Variants in CFAP299 observed in about 807,000 individuals in gnomAD.
CFAP299 encodes cilia and flagella associated protein 299, also known as cilia- and flagella-associated protein 299.
In CFAP299, 21 loss-of-function variants were observed where a neutral mutation model predicts 27.0. The observed-to-expected ratio is 0.78, with a 90% confidence interval of 0.55 to 1.12. The LOEUF (loss-of-function observed/expected upper bound fraction) is 1.12. Ranked by LOEUF, CFAP299 falls within the 50% of genes most tolerant of loss-of-function variation. CFAP299 has a pLI of 0.00. For missense variants in CFAP299, 310 were observed against 276.6 expected, an observed-to-expected ratio of 1.12 and a Z score of -0.86; for synonymous variants, 104 against 98.1, an observed-to-expected ratio of 1.06 and a Z score of -0.36.
chr4:80,691,782 T>A (rs1057475748), intron 3 of CFAP299, among the ~76,000 whole-genome samples: 1 of 152,216 alleles, frequency 6.6e-6, no homozygotes, highest in Non-Finnish European at 1.5e-5. Context: ...CATGATTGTA[T>A]ATCTAGAAAA....
intron 3 of CFAP299, among the ~76,000 whole-genome samples, chr4:80,684,286 A>ATT (rs1720036014): frequency 1.1e-5 from 1 of 92,034 alleles, no homozygotes; most frequent in Non-Finnish European, 2.3e-5. Context: ...GGGGGGGGGG[A>ATT]CGGAGCCTCA....
chr4:80,768,722 A>G (rs919254691), intron 3 of CFAP299, among the ~76,000 whole-genome samples: 1 of 152,180 alleles, frequency 6.6e-6, no homozygotes, highest in African/African-American at 2.4e-5. Context: ...GATCTATTTC[A>G]ATTCAATATA....
chr4:80,488,655 C>T (rs1373005838), intron 2 of CFAP299, among the ~76,000 whole-genome samples: 2 of 151,940 alleles, frequency 1.3e-5, no homozygotes, highest in African/African-American at 2.4e-5. Context: ...TTTTTGTATT[C>T]TTAATAGAGA....
At chr4:80,698,274 A>ACC (rs1721240193) in intron 3 of CFAP299, among the ~76,000 whole-genome samples, 4 of 152,204 alleles carry the variant, frequency 2.6e-5, no homozygotes, top group Non-Finnish European at 5.9e-5. Context: ...CCCCAAAATT[A>ACC]GTAGTTGTTA....
intron 3 of CFAP299, among the ~76,000 whole-genome samples, chr4:80,655,667 C>CA (rs1370726960): frequency 6.6e-6 from 1 of 152,046 alleles, no homozygotes; most frequent in East Asian, 1.9e-4. Flanking sequence ...AGTGAGTAGA[C>CA]ACTTCAACTT....
At chr4:80,734,598 G>A (rs1354230671) in intron 3 of CFAP299, among the ~76,000 whole-genome samples, 1 of 152,004 alleles carries the variant, frequency 6.6e-6, no homozygotes, top group Non-Finnish European at 1.5e-5. Context: ...CATAGTTTGA[G>A]GTCTTAGATT....
intron 4 of CFAP299, among the ~76,000 whole-genome samples, chr4:80,938,621 C>T (rs958384396): frequency 1.3e-5 from 2 of 152,178 alleles, no homozygotes; most frequent in African/African-American, 4.8e-5. Flanking sequence ...TCCCACTCCA[C>T]ACCTTTATAT....
In CFAP299 at chr4:80,800,184, ATG is replaced by A. The variant is rs1156450945; in HGVS notation, c.334-69807_334-69806del. On this transcript the variant is annotated intron_variant, in intron 3 of 5. Coordinates refer to ENST00000358105, the MANE Select transcript of CFAP299 (RefSeq NM_152770.3). ...TATAATACATATAATATATAATAAT[ATG>A]TAATACTATATAATATAATATATAA... Among the ~76,000 whole-genome samples, 566 of 72,524 alleles carry A rather than the reference ATG, an allele frequency of 7.8e-3. 11 individuals carry two copies. Among genetic ancestry groups the A allele is most frequent in the African/African-American group, 0.03 (517 of 17,474 alleles). 47.6% of individuals were successfully genotyped at this position (72,524 alleles called of 152,430 possible).
intron 2 of CFAP299, among the ~76,000 whole-genome samples, chr4:80,438,296 A>AT (rs1728190236): frequency 2.6e-5 from 4 of 152,222 alleles, no homozygotes; most frequent in Admixed American, 1.3e-4. Flanking sequence ...AAAGAAGTCT[A>AT]GGAAAAGCCT....
At position 80,661,289 on chromosome 4, in the gene CFAP299, G is replaced by GCACTCTAGCCTGGGTGACAGAGCA. The variant is rs1381862598; in HGVS notation, c.333+78109_333+78132dup. On this transcript the variant is annotated intron_variant, in intron 3 of 5. Coordinates refer to ENST00000358105, the MANE Select transcript of CFAP299 (RefSeq NM_152770.3). The stretch of plus-strand genomic sequence containing the variant: ...TGCAGTGAGCCCAGATTGCTCCATT[G>GCACTCTAGCCTGGGTGACAGAGCA]CACTCTAGCCTGGGTGACAGAGCAC... Among the ~76,000 whole-genome samples, 6 of 145,304 alleles carry GCACTCTAGCCTGGGTGACAGAGCA rather than the reference G, an allele frequency of 4.1e-5. No homozygotes were observed. The East Asian group carries it at 1.2e-3, about 29-fold the overall frequency.
chr4:80,583,604 G>A (rs1736283335), intron 3 of CFAP299, among the ~76,000 whole-genome samples: 1 of 151,814 alleles, frequency 6.6e-6, no homozygotes, highest in Admixed American at 6.6e-5. Flanking sequence ...TGGAAGATGG[G>A]ATACAAATCA....
In CFAP299 at chr4:80,699,809, G is replaced by A. The variant is rs145640746; in HGVS notation, c.333+116626G>A. The stretch of plus-strand genomic sequence containing the variant: ...CTGTTTTCCTGCAACATTATATATG[G>A]TAAGAAAAGTGACAAGAGTTGGCTT... On this transcript the variant is annotated intron_variant, in intron 3 of 5. Transcript: ENST00000358105. 5.1e-3 allele frequency among the ~76,000 whole-genome samples: 770 copies of A among 152,240 alleles called. 5 individuals carry two copies. The highest frequency in any genetic ancestry group is 0.02 in the Middle Eastern group (6 of 294).
rs1377644370 is a variant in CFAP299 at position 80,847,008 on chromosome 4, A to C, written c.334-22985A>C. Among the ~76,000 whole-genome samples, 3 of 152,322 alleles carry C rather than the reference A, an allele frequency of 2.0e-5. No homozygotes were observed. The East Asian group carries it at 5.8e-4, about 29-fold the overall frequency. On this transcript the variant is annotated intron_variant, in intron 3 of 5. Coordinates refer to ENST00000358105, the MANE Select transcript of CFAP299 (RefSeq NM_152770.3). Reference sequence around the variant, plus strand: ...GTGATGATAGTGAAAAGGTAACAAAAATCCCTTTGGTCAGAAGAATCATTT... The same window carrying C: ...GTGATGATAGTGAAAAGGTAACAAACATCCCTTTGGTCAGAAGAATCATTT...
intron 2 of CFAP299, among the ~76,000 whole-genome samples, chr4:80,529,741 C>A (rs1480553236): frequency 6.6e-6 from 1 of 151,740 alleles, no homozygotes; most frequent in African/African-American, 2.4e-5. Context: ...TTTTTAGATA[C>A]AATCCTTTTT....
chr4:80,851,659 T>C (rs1398721536), intron 3 of CFAP299, among the ~76,000 whole-genome samples: 2 of 151,976 alleles, frequency 1.3e-5, no homozygotes, highest in African/African-American at 4.8e-5. Context: ...ATCAAAACAA[T>C]TGGAAAAATC....
At chr4:80,733,687 G>C (rs1723677705) in intron 3 of CFAP299, among the ~76,000 whole-genome samples, 2 of 151,776 alleles carry the variant, frequency 1.3e-5, no homozygotes, top group African/African-American at 4.8e-5. Flanking sequence ...TTTGATTTTT[G>C]GATCCCACAA....
intron 5 of CFAP299, among the ~76,000 whole-genome samples, chr4:80,954,352 A>G (rs1286690046): frequency 3.3e-5 from 5 of 152,202 alleles, no homozygotes; most frequent in Admixed American, 2.6e-4. Flanking sequence ...GCAAATACTC[A>G]TAATTTCTCA....
At chr4:80,929,166 T>C (rs976935399) in intron 4 of CFAP299, among the ~76,000 whole-genome samples, 2 of 152,100 alleles carry the variant, frequency 1.3e-5, no homozygotes, top group Non-Finnish European at 2.9e-5. Context: ...ATGCTACCCA[T>C]CCAGTCTCTA....
upstream of CFAP299, among the ~76,000 whole-genome samples, chr4:80,332,551 T>A (rs564005530): frequency 5.9e-5 from 9 of 152,312 alleles, no homozygotes; most frequent in African/African-American, 2.2e-4. Flanking sequence ...GATATGAATG[T>A]GAATAAGCTT....
Sources: allele counts gnomAD v4.1 joint callset (sites outside exome capture counted in the v4.1 genomes callset), GRCh38; gene constraint gnomAD v4.1.1; transcripts MANE v1.5; gene names NCBI Gene and HGNC (gene_info 2026-07-23, HGNC 2026-07-21).